Variants in XPR1 observed in about 807,000 individuals in gnomAD.
The protein encoded by XPR1 is solute carrier family 53 member 1.
In XPR1, 28 loss-of-function variants were observed where a neutral mutation model predicts 87.5. The ratio of observed to expected loss-of-function variants is 0.32; its 90% CI spans 0.24 to 0.44. The LOEUF (loss-of-function observed/expected upper bound fraction) is 0.44. XPR1 is among the 20% of genes least tolerant of loss of function. The pLI is 1.00. For synonymous variants in XPR1, 300 were observed against 306.1 expected (o/e 0.98, Z 0.21); for missense variants, 559 against 862.3 (o/e 0.65, Z 4.41).
chr1:180,656,362 TATA>T (rs1473057275), intron 1 of XPR1, among the ~76,000 whole-genome samples: 16 of 111,832 alleles, frequency 1.4e-4, no homozygotes, highest in African/African-American at 2.0e-4. Flanking sequence ...TATTTATATA[TATA>T]ATATTTATAT....
Position 180,810,431 on chromosome 1 carries a change from C to T in XPR1, c.682-976C>T, listed in dbSNP as rs539802269. Reference sequence around the variant, plus strand: ...CCTCATCTCTACAAAAAATACAAAACTTAGCTGGGCATGGTGGCACACACA... The same window carrying T: ...CCTCATCTCTACAAAAAATACAAAATTTAGCTGGGCATGGTGGCACACACA... On this transcript the variant is annotated intron_variant, in intron 6 of 14. Coordinates refer to ENST00000367590, the MANE Select transcript of XPR1 (RefSeq NM_004736.4). Among the ~76,000 whole-genome samples, 22 of 152,012 alleles carry T rather than the reference C, an allele frequency of 1.4e-4. No homozygotes were observed. In the South Asian group the frequency reaches 2.7e-3, roughly 19 times the overall value.
chr1:180,720,864 T>C (rs963529267), intron 2 of XPR1, among the ~76,000 whole-genome samples: 7 of 152,328 alleles, frequency 4.6e-5, no homozygotes, highest in African/African-American at 1.7e-4. Flanking sequence ...ATCATGCCTT[T>C]ATATATATCT....
chr1:180,769,157 T>C (rs1648402953), intron 2 of XPR1, among the ~76,000 whole-genome samples: 1 of 152,112 alleles, frequency 6.6e-6, no homozygotes, highest in Admixed American at 6.5e-5. Context: ...AGTTATAGGG[T>C]ACATGAGATG....
At chr1:180,726,290 T>C (rs1571770100) in intron 2 of XPR1, among the ~76,000 whole-genome samples, 2 of 152,352 alleles carry the variant, frequency 1.3e-5, no homozygotes, top group East Asian at 3.9e-4. Flanking sequence ...GAATAAAAGC[T>C]GGCCACCCCA....
At chr1:180,808,373 A>G (rs1408852766) in intron 6 of XPR1, among the ~76,000 whole-genome samples, 2 of 152,082 alleles carry the variant, frequency 1.3e-5, no homozygotes, top group Non-Finnish European at 2.9e-5. Flanking sequence ...ACTGGAAACT[A>G]CAAATTTCTA....
chr1:180,785,089 T>C (rs920326897), intron 2 of XPR1, among the ~76,000 whole-genome samples: 1 of 150,722 alleles, frequency 6.6e-6, no homozygotes, highest in Non-Finnish European at 1.5e-5. Context: ...ATGGCTATTT[T>C]ATGTCTGAAC....
intron 11 of XPR1, among the ~76,000 whole-genome samples, chr1:180,843,129 G>C (rs532318413): frequency 6.6e-6 from 1 of 152,266 alleles, no homozygotes; most frequent in Non-Finnish European, 1.5e-5. Context: ...TAGTCCTGAA[G>C]TGCTTCCTCC....
intron 1 of XPR1, among the ~76,000 whole-genome samples, chr1:180,678,337 A>AT (rs1367501028): frequency 6.6e-6 from 1 of 151,920 alleles, no homozygotes; most frequent in Admixed American, 6.6e-5. Context: ...TAATCACTTG[A>AT]TTTTTTTTGG....
intron 2 of XPR1, among the ~76,000 whole-genome samples, chr1:180,718,600 C>T (rs1168287082): frequency 6.6e-6 from 1 of 151,072 alleles, no homozygotes; most frequent in Non-Finnish European, 1.5e-5. Context: ...CATTAAAAAA[C>T]AAAAATCTTG....
chr1:180,662,928 TC>T (rs1413072601), intron 1 of XPR1, among the ~76,000 whole-genome samples: 1 of 152,232 alleles, frequency 6.6e-6, no homozygotes, highest in African/African-American at 2.4e-5. Flanking sequence ...AATGCATTCT[TC>T]AGTATGTCAG....
At chr1:180,809,083 AG>A (rs1386914636) in intron 6 of XPR1, among the ~76,000 whole-genome samples, 1 of 152,218 alleles carries the variant, frequency 6.6e-6, no homozygotes, top group Non-Finnish European at 1.5e-5. Flanking sequence ...AGCAATAAAA[AG>A]GAATAACTGA....
At chr1:180,855,692 G>A (rs1652006015) in intron 11 of XPR1, among the ~76,000 whole-genome samples, 2 of 151,114 alleles carry the variant, frequency 1.3e-5, no homozygotes, top group Admixed American at 1.3e-4. Flanking sequence ...GGGGAGGGGG[G>A]ACGGTTTTAC....
At chr1:180,741,232 C>T (rs1242843381) in intron 2 of XPR1, among the ~76,000 whole-genome samples, 1 of 152,054 alleles carries the variant, frequency 6.6e-6, no homozygotes, top group Non-Finnish European at 1.5e-5. Context: ...GGCACAATCT[C>T]GGCTCACTGC....
intron 11 of XPR1, among the ~76,000 whole-genome samples, chr1:180,851,693 A>C (rs990266347): frequency 6.6e-6 from 1 of 152,160 alleles, no homozygotes; most frequent in African/African-American, 2.4e-5. Context: ...GCCTAGACAC[A>C]CATACATAAG....
intron 11 of XPR1, among the ~76,000 whole-genome samples, chr1:180,850,602 G>A (rs960504765): frequency 1.3e-5 from 2 of 151,896 alleles, no homozygotes; most frequent in Non-Finnish European, 1.5e-5. Flanking sequence ...AAAAGTTTCT[G>A]CCCATATGTA....
intron 2 of XPR1, among the ~76,000 whole-genome samples, chr1:180,703,529 C>T (rs1172310926): frequency 6.6e-6 from 1 of 152,126 alleles, no homozygotes; most frequent in Non-Finnish European, 1.5e-5. Context: ...ACATAATGCA[C>T]CAATGGTAGG....
At chr1:180,837,098 C>T (rs76590838) in intron 11 of XPR1, among the ~76,000 whole-genome samples, 5,358 of 152,178 alleles carry the variant, frequency 0.035, 148 homozygotes, top group African/African-American at 0.075. Context: ...TATTTTTAAT[C>T]GCTTTCCTTC....
intron 1 of XPR1, among the ~76,000 whole-genome samples, chr1:180,665,683 T>A (rs939492984): frequency 1.6e-4 from 24 of 152,262 alleles, no homozygotes; most frequent in African/African-American, 5.3e-4. Flanking sequence ...TCTCCCTCCC[T>A]CAAGTGCAGA....
rs1055844358 is a variant in XPR1, at chr1:180,887,426, G to A, written c.*3360G>A. 3.9e-5 allele frequency: 6 copies of A among 152,126 alleles called. No individual in the cohort carries two copies. Among genetic ancestry groups the A allele is most frequent in the Admixed American group, 1.3e-4 (2 of 15,272 alleles). The allele number at this position is 152,126 out of a possible 1,614,324, so 9.4% of individuals were successfully genotyped here. A position where few individuals can be genotyped will look rare whatever the true frequency, so the allele number is the denominator to read the frequency against. On this transcript the variant is annotated 3_prime_UTR_variant, in exon 15 of 15. Coordinates refer to ENST00000367590, the MANE Select transcript of XPR1 (RefSeq NM_004736.4). ...TGTAGAGAAATTAAAAGACAAGAGT[G>A]GTTTACTGTCTATGCACAAATGAGT... is the stretch of plus-strand genomic sequence containing the variant.
Sources: gnomAD v4.1 joint callset for allele counts (sites outside exome capture counted in the v4.1 genomes callset) on GRCh38, gnomAD v4.1.1 for gene constraint, MANE v1.5 for transcripts, NCBI Gene and HGNC (gene_info 2026-07-23, HGNC 2026-07-21) for gene names.